Variants in LMBRD1 observed in about 807,000 individuals in gnomAD.
LMBRD1 encodes the protein lysosomal cobalamin transport escort protein LMBD1.
Under a neutral mutation model 74.8 loss-of-function variants are expected in LMBRD1, and 64 were observed. That is an observed-to-expected ratio of 0.86 (90% CI 0.70 to 1.05). The LOEUF is 1.05. Among genes scored for constraint, LMBRD1 ranks in the 50% least tolerant of loss-of-function variants. LMBRD1 has a pLI of 0.00. For missense variants in LMBRD1, 652 were observed against 645.9 expected (o/e 1.01, Z -0.10); for synonymous variants, 204 against 216.3 (o/e 0.94, Z 0.50).
intron 7 of LMBRD1, among the ~76,000 whole-genome samples, chr6:69,723,681 G>A (rs2149859487): frequency 6.6e-6 from 1 of 151,970 alleles, no homozygotes; most frequent in East Asian, 1.9e-4. Context: ...AGCAGTAAGA[G>A]GGAAAATTAC....
At chr6:69,708,233 T>C (rs1766304675) in intron 9 of LMBRD1, among the ~76,000 whole-genome samples, 1 of 152,172 alleles carries the variant, frequency 6.6e-6, no homozygotes, top group South Asian at 2.1e-4. Context: ...ATATAAAGGC[T>C]GTTTTAAAGA....
rs771408766 is a variant in LMBRD1, at chr6:69,676,176, G to C, written c.1605C>G (p.Pro535=). ...DEDSDISDDE[P]SVYSA The stretch of plus-strand genomic sequence containing the variant: ...AAGGCTGTCAAGCAGAATAGACAGA[G>C]GGCTCATCATCACTTATGTCTGAAT... The change falls in exon 16 of 16, where the codon CCC becomes CCG. Residue 535 remains proline (P), a synonymous_variant. Transcript: ENST00000649934. The C allele has an allele frequency of 3.1e-6, 5 of 1,612,766 alleles. No homozygotes were observed. Among genetic ancestry groups the C allele is most frequent in the Admixed American group, 3.3e-5 (2 of 59,948 alleles).
intron 14 of LMBRD1, among the ~76,000 whole-genome samples, chr6:69,694,399 C>T (rs2149840832): frequency 6.6e-6 from 1 of 152,274 alleles, no homozygotes; most frequent in African/African-American, 2.4e-5. Context: ...ATATGCAACT[C>T]AAAGCACTTC....
At chr6:69,764,375 G>A (rs1306007352) in intron 3 of LMBRD1, among the ~76,000 whole-genome samples, 1 of 152,082 alleles carries the variant, frequency 6.6e-6, no homozygotes, top group Non-Finnish European at 1.5e-5. Flanking sequence ...AGGACACTGC[G>A]AGAAGGCAGC....
chr6:69,768,593 C>G (rs1041417273), intron 3 of LMBRD1, among the ~76,000 whole-genome samples: 53 of 152,000 alleles, frequency 3.5e-4, no homozygotes, highest in Admixed American at 1.5e-3. Context: ...TTTATACAAT[C>G]TTAAATCTTT....
intron 3 of LMBRD1, among the ~76,000 whole-genome samples, chr6:69,767,998 T>C (rs1481977791): frequency 6.6e-6 from 1 of 151,944 alleles, no homozygotes; most frequent in African/African-American, 2.4e-5. Context: ...AATATAGTCA[T>C]TTCAGCTGTC....
At chr6:69,727,812 A>G (rs2149862269) in intron 7 of LMBRD1, among the ~76,000 whole-genome samples, 1 of 152,200 alleles carries the variant, frequency 6.6e-6, no homozygotes, top group Admixed American at 6.5e-5. Flanking sequence ...TTCCTTTAAC[A>G]TTTCCTTATA....
intron 7 of LMBRD1, among the ~76,000 whole-genome samples, chr6:69,736,363 T>C (rs1766977258): frequency 6.6e-6 from 1 of 152,166 alleles, no homozygotes; most frequent in Non-Finnish European, 1.5e-5. Context: ...GTTCCTCTTC[T>C]ACAATACACT....
intron 13 of LMBRD1, 30 bp downstream of exon 13, chr6:69,699,013 A>G: frequency 7.0e-7 from 1 of 1,438,394 alleles, no homozygotes; most frequent in Non-Finnish European, 9.8e-7. Context: ...TAAAATATCA[A>G]AATAATCAAG....
At chr6:69,685,794 C>T (rs1299386348) in intron 14 of LMBRD1, among the ~76,000 whole-genome samples, 10 of 152,064 alleles carry the variant, frequency 6.6e-5, no homozygotes, top group African/African-American at 1.9e-4. Flanking sequence ...AGCGAGGCTC[C>T]GTCTCAAAAA....
intron 14 of LMBRD1, among the ~76,000 whole-genome samples, chr6:69,688,934 T>A (rs1301935799): frequency 6.6e-6 from 1 of 152,092 alleles, no homozygotes; most frequent in Non-Finnish European, 1.5e-5. Context: ...ATTTAAAGTA[T>A]CTTCATTGGT....
chr6:69,690,572 T>G (rs2149839028), intron 14 of LMBRD1, among the ~76,000 whole-genome samples: 1 of 152,276 alleles, frequency 6.6e-6, no homozygotes, highest in East Asian at 1.9e-4. Flanking sequence ...TGTGGGATTT[T>G]TAAAGGTTAT....
In LMBRD1 at chr6:69,733,476, C is replaced by T. The variant is rs117392934; in HGVS notation, c.636+4466G>A. Among the ~76,000 whole-genome samples the T allele has an allele frequency of 6.1e-3, 926 of 152,178 alleles. 1 individual carries two copies. The highest frequency in any genetic ancestry group is 0.014 in the Middle Eastern group (4 of 294). On this transcript the variant is annotated intron_variant, in intron 7 of 15. Transcript: ENST00000649934. Reference sequence around the variant, plus strand: ...TTTCACTGAATTTTTACTAAAATTTCGGTAAGTATTATTGGCTCATTTTTA... The same window carrying T: ...TTTCACTGAATTTTTACTAAAATTTTGGTAAGTATTATTGGCTCATTTTTA...
intron 14 of LMBRD1, among the ~76,000 whole-genome samples, chr6:69,691,148 TC>T (rs201289947): frequency 0.28 from 3,549 of 12,788 alleles, 163 homozygotes; most frequent in Middle Eastern, 0.5. Context: ...CCTCTCTCTC[TC>T]TTTTTTTTTT....
chr6:69,750,430 G>A (rs988208228), intron 4 of LMBRD1, among the ~76,000 whole-genome samples: 3 of 151,848 alleles, frequency 2.0e-5, no homozygotes, highest in African/African-American at 7.2e-5. Context: ...GCTAAGAAAA[G>A]CAAATAAAGA....
intron 7 of LMBRD1, among the ~76,000 whole-genome samples, chr6:69,720,542 TTTTGGTATA>T (rs200351248): frequency 2.8e-4 from 42 of 152,280 alleles, no homozygotes; most frequent in Middle Eastern, 3.4e-3. Context: ...TTTTTTGGAC[TTTTGGTATA>T]TTTGGTATAT....
At chr6:69,709,038 C>T (rs1490658879) in intron 9 of LMBRD1, among the ~76,000 whole-genome samples, 3 of 151,998 alleles carry the variant, frequency 2.0e-5, no homozygotes, top group African/African-American at 7.2e-5. Flanking sequence ...AGTTCCAGAC[C>T]AGCCTGACCA....
At chr6:69,710,386 T>C (rs1766357480) in intron 9 of LMBRD1, among the ~76,000 whole-genome samples, 3 of 152,292 alleles carry the variant, frequency 2.0e-5, no homozygotes, top group African/African-American at 7.2e-5. Context: ...AAGCATAAGA[T>C]GTAAATCTAC....
In LMBRD1 at chr6:69,713,703, A is replaced by G; in HGVS notation, c.857T>C (p.Leu286Ser). Reference protein sequence around the residue: ...LRTLKKRERHLEFIENSWWTK... With the variant: ...LRTLKKRERHSEFIENSWWTK... ...CCACCAGCTGTTTTCAATGAATTCT[A>G]AATGCCTCTCTCTCTTCTTAAGTGT... is the stretch of plus-strand genomic sequence containing the variant. Residue 286 changes from leucine to serine, a missense_variant, in exon 9 of 16, where the codon TTA (leucine) becomes TCA (serine). Around this residue, in one of 3 missense-constraint regions of LMBRD1, gnomAD observed 598 missense variants for 581.8 expected, o/e 1.03. Transcript: ENST00000649934. 3 of 1,613,714 alleles carry G rather than the reference A, an allele frequency of 1.9e-6. No individual in the cohort carries two copies. Among genetic ancestry groups the G allele is most frequent in the Non-Finnish European group, 2.5e-6 (3 of 1,179,702 alleles).
Sources: allele counts gnomAD v4.1 joint callset (sites outside exome capture counted in the v4.1 genomes callset), GRCh38; gene constraint gnomAD v4.1.1; regional missense constraint gnomAD v4.1.1; transcripts MANE v1.5; gene names NCBI Gene and HGNC (gene_info 2026-07-23, HGNC 2026-07-21).